The following EYS variants were observed in gnomAD, a reference collection of about 807,000 sequenced individuals.
EYS encodes the protein EGF-like photoreceptor maintenance factor, also known as protein eyes shut homolog.
In EYS, 250 loss-of-function variants were observed where a neutral mutation model predicts 282.1. That is an observed-to-expected ratio of 0.89 (90% confidence interval 0.80 to 0.98). The LOEUF is 0.98. Among genes scored for constraint, EYS ranks in the 50% least tolerant of loss-of-function variants. The probability of loss-of-function intolerance (pLI) is 0.00; values close to 1 mark genes in which losing one functional copy is unlikely to be tolerated. For missense variants in EYS, 4,016 were observed against 3,709.0 expected (o/e 1.08, Z -2.15); for synonymous variants, 1,355 against 1,282.9 (o/e 1.06, Z -1.20).
At position 64,081,855 on chromosome 6, in the gene EYS, C is replaced by T. The variant is rs1193854376; in HGVS notation, c.6571+1G>A. 4 of 1,510,926 alleles carry T rather than the reference C, an allele frequency of 2.6e-6. No homozygotes were observed. Among genetic ancestry groups the T allele is most frequent in the Non-Finnish European group, 3.6e-6 (4 of 1,118,954 alleles). The allele number at this position is 1,510,926 out of a possible 1,614,324, so 93.6% of individuals were successfully genotyped here. A position where few individuals can be genotyped will look rare whatever the true frequency, so the allele number is the denominator to read the frequency against. Reference sequence around the variant, plus strand: ...CAAGAAGTCAAACATTTAATACTCACTGTAAAGAATAGTTCCATTTAAACT... The same window carrying T: ...CAAGAAGTCAAACATTTAATACTCATTGTAAAGAATAGTTCCATTTAAACT... On this transcript the variant is annotated splice_donor_variant, in intron 32 of 42. Transcript: ENST00000503581. LOFTEE classifies it high-confidence loss of function.
At chr6:64,577,175 C>T (rs1490110706) in intron 26 of EYS, among the ~76,000 whole-genome samples, 1 of 152,044 alleles carries the variant, frequency 6.6e-6, no homozygotes, top group Non-Finnish European at 1.5e-5. Context: ...AGCTAGACTC[C>T]AGAATTGTGA....
intron 26 of EYS, among the ~76,000 whole-genome samples, chr6:64,558,928 G>T (rs73767340): frequency 0.03 from 4,614 of 152,156 alleles, 155 homozygotes; most frequent in East Asian, 0.11. Flanking sequence ...CAAAGTTTTT[G>T]CATGTTAATG....
chr6:64,222,990 C>G (rs9351198), intron 31 of EYS, among the ~76,000 whole-genome samples: 1 of 151,724 alleles, frequency 6.6e-6, no homozygotes, highest in Non-Finnish European at 1.5e-5. Flanking sequence ...ATGTTCATGA[C>G]AGCATACTAT....
chr6:65,598,830 T>C (rs1190861918), intron 2 of EYS, among the ~76,000 whole-genome samples: 1 of 152,100 alleles, frequency 6.6e-6, no homozygotes, highest in Admixed American at 6.6e-5. Context: ...TCTTTATCCT[T>C]GAACGTATTA....
At chr6:65,248,683 C>T (rs1370067031) in intron 12 of EYS, among the ~76,000 whole-genome samples, 1 of 151,844 alleles carries the variant, frequency 6.6e-6, no homozygotes, top group East Asian at 1.9e-4. Context: ...AATAATATCT[C>T]CTAGCTGTCT....
At chr6:64,856,139 G>A (rs1766051357) in intron 19 of EYS, among the ~76,000 whole-genome samples, 1 of 152,016 alleles carries the variant, frequency 6.6e-6, no homozygotes, top group South Asian at 2.1e-4. Context: ...GAACATTATT[G>A]TTGGACTGTA....
chr6:64,192,328 G>A (rs1277670535), intron 31 of EYS, among the ~76,000 whole-genome samples: 2 of 152,054 alleles, frequency 1.3e-5, no homozygotes, highest in African/African-American at 2.4e-5. Context: ...AAGCTCTTTA[G>A]TTTAATTAGA....
intron 12 of EYS, among the ~76,000 whole-genome samples, chr6:65,192,293 C>CTGTGTG (rs58238401): frequency 0.036 from 5,163 of 142,862 alleles, 204 homozygotes; most frequent in African/African-American, 0.09. Flanking sequence ...TTTTTCTACT[C>CTGTGTG]TGTGTGTGTG....
intron 37 of EYS, among the ~76,000 whole-genome samples, chr6:63,790,171 C>G (rs532207503): frequency 6.6e-6 from 1 of 152,136 alleles, no homozygotes; most frequent in African/African-American, 2.4e-5. Context: ...GAGTCCTTGA[C>G]ATAGAAAAAA....
At chr6:64,052,528 T>C (rs898776964) in intron 33 of EYS, among the ~76,000 whole-genome samples, 3 of 152,328 alleles carry the variant, frequency 2.0e-5, no homozygotes, top group Middle Eastern at 3.4e-3. Context: ...TTGATCCATG[T>C]AATTTTCTAA....
intron 35 of EYS, among the ~76,000 whole-genome samples, chr6:63,933,496 C>T (rs181043330): frequency 5.6e-4 from 86 of 152,246 alleles, no homozygotes; most frequent in African/African-American, 1.6e-3. Flanking sequence ...TATGAGCCAC[C>T]GCACCTGGCC....
chr6:65,542,878 C>G (rs1260924896), intron 2 of EYS, among the ~76,000 whole-genome samples: 4 of 152,126 alleles, frequency 2.6e-5, no homozygotes, highest in Non-Finnish European at 5.9e-5. Flanking sequence ...TTTATCTGCA[C>G]TGTTACTTTG....
intron 11 of EYS, among the ~76,000 whole-genome samples, chr6:65,308,020 T>C (rs1323842098): frequency 6.8e-6 from 1 of 147,852 alleles, no homozygotes; most frequent in Non-Finnish European, 1.5e-5. Context: ...TCATCCAGGC[T>C]GGAGTGCAGT....
chr6:65,268,813 T>A (rs562521732), intron 12 of EYS, among the ~76,000 whole-genome samples: 72 of 117,874 alleles, frequency 6.1e-4, no homozygotes, highest in African/African-American at 2.0e-3. Context: ...AAGTTTTTTT[T>A]TAAAAAAAAG....
chr6:65,561,670 TA>T (rs1219196137), intron 2 of EYS, among the ~76,000 whole-genome samples: 1 of 152,100 alleles, frequency 6.6e-6, no homozygotes, highest in Non-Finnish European at 1.5e-5. Flanking sequence ...TTGAAATATT[TA>T]AACTAATAAA....
chr6:64,830,538 G>A (rs1583202430), intron 19 of EYS, among the ~76,000 whole-genome samples: 1 of 152,084 alleles, frequency 6.6e-6, no homozygotes, highest in East Asian at 2.0e-4. Context: ...AGGTAATCCA[G>A]TAGGCCAGCA....
chr6:64,518,702 A>C (rs1473630696), intron 26 of EYS, among the ~76,000 whole-genome samples: 1 of 151,488 alleles, frequency 6.6e-6, no homozygotes, highest in Non-Finnish European at 1.5e-5. Flanking sequence ...AGTAGAGATA[A>C]TTGAATCATG....
Position 64,945,880 on chromosome 6 carries a change from C to T in EYS, c.2294G>A (p.Gly765Glu). 6.5e-7 allele frequency: 1 copy of T among 1,548,472 alleles called. No homozygotes were observed. The highest frequency in any genetic ancestry group is 8.7e-7 in the Non-Finnish European group (1 of 1,144,722). The change falls in exon 15 of 43, where the codon GGA becomes GAA. Residue 765 changes from glycine (G) to glutamate (E), a missense_variant. Transcript: ENST00000503581. The stretch of plus-strand genomic sequence containing the variant: ...ATTGGATTCTTGTTCACAAAAATTT[C>T]CTTCCCAATCAGATAGGCACACACA... ...YQCVCLSDWE[G>E]NFCEQESNEC...
intron 22 of EYS, among the ~76,000 whole-genome samples, chr6:64,689,419 G>A (rs1333648430): frequency 6.6e-6 from 1 of 151,430 alleles, no homozygotes; most frequent in Non-Finnish European, 1.5e-5. Flanking sequence ...TACATTCAAT[G>A]CCATCCCCAT....
Sources: gnomAD v4.1 joint callset for allele counts (sites outside exome capture counted in the v4.1 genomes callset) on GRCh38, gnomAD v4.1.1 for gene constraint, MANE v1.5 for transcripts, NCBI Gene and HGNC (gene_info 2026-07-23, HGNC 2026-07-21) for gene names.